The following SKIC3 variants were observed in gnomAD, a reference collection of about 807,000 sequenced individuals.
SKIC3 encodes the protein SKI3 subunit of superkiller complex, also known as superkiller complex protein 3.
At chr5:95,513,709 T>C in the SKIC3 span, 7 of 1,495,952 alleles carry the variant, frequency 4.7e-6, no homozygotes, top group African/African-American at 1.4e-5. Context: ...TAATACAAAA[T>C]GAAACTGTCT....
At chr5:95,510,884 A>G in the SKIC3 span, among the ~76,000 whole-genome samples, 3 of 152,202 alleles carry the variant, frequency 2.0e-5, no homozygotes, top group East Asian at 1.9e-4. Context: ...GTGATTACCT[A>G]TCTATGAAGG....
At chr5:95,512,359 G>T in the SKIC3 span, 1 of 1,229,234 alleles carries the variant, frequency 8.1e-7, no homozygotes, top group Non-Finnish European at 1.1e-6. Flanking sequence ...CAAAAAGAAG[G>T]CAAATTCATG....
chr5:95,526,054 T>TA, the SKIC3 span, among the ~76,000 whole-genome samples: 1 of 152,184 alleles, frequency 6.6e-6, no homozygotes, highest in Non-Finnish European at 1.5e-5. Context: ...TATCTATATC[T>TA]AAAAGTTCAT....
the SKIC3 span, among the ~76,000 whole-genome samples, chr5:95,506,176 G>A: frequency 6.6e-6 from 1 of 151,948 alleles, no homozygotes; most frequent in Non-Finnish European, 1.5e-5. Context: ...TGAAAGGAGA[G>A]GCAGTCAGAA....
chr5:95,510,441 T>C, the SKIC3 span, among the ~76,000 whole-genome samples: 2 of 152,230 alleles, frequency 1.3e-5, no homozygotes, highest in African/African-American at 2.4e-5. Context: ...AGATTAATTA[T>C]GGTTTAGGAG....
chr5:95,529,366 C>T, the SKIC3 span: 1 of 500,930 alleles, frequency 2.0e-6, no homozygotes, highest in African/African-American at 1.9e-5. Context: ...TACACTGTAG[C>T]TAGAATATCT....
chr5:95,484,636 C>T, the SKIC3 span: 15 of 1,576,524 alleles, frequency 9.5e-6, no homozygotes, highest in South Asian at 4.5e-5. Context: ...AGTGAGCCAC[C>T]GCATCTAGCC....
the SKIC3 span, chr5:95,498,412 C>A: frequency 3.7e-5 from 59 of 1,614,046 alleles, 1 homozygote; most frequent in Non-Finnish European, 4.5e-5. Flanking sequence ...AGCCACACTG[C>A]GGCCTTGGAG....
chr5:95,509,894 T>C, the SKIC3 span, among the ~76,000 whole-genome samples: 1 of 152,214 alleles, frequency 6.6e-6, no homozygotes, highest in African/African-American at 2.4e-5. Flanking sequence ...ATAGTTATAT[T>C]TGATTTTTAG....
chr5:95,513,394 A>G, the SKIC3 span: 2 of 643,464 alleles, frequency 3.1e-6, no homozygotes, highest in African/African-American at 3.7e-5. Context: ...TTTTTAAGAG[A>G]CAGGGTCTTG....
chr5:95,488,408 CAA>C, the SKIC3 span, among the ~76,000 whole-genome samples: 1 of 151,850 alleles, frequency 6.6e-6, no homozygotes, highest in African/African-American at 2.4e-5. Context: ...AAGTCAAAGA[CAA>C]AGAGAGAATA....
the SKIC3 span, among the ~76,000 whole-genome samples, chr5:95,482,083 A>G: frequency 1.3e-5 from 2 of 152,216 alleles, no homozygotes; most frequent in African/African-American, 2.4e-5. Context: ...TATTTCTAAA[A>G]GCACTAAATA....
the SKIC3 span, chr5:95,517,270 C>T: frequency 6.2e-7 from 1 of 1,613,336 alleles, no homozygotes; most frequent in Non-Finnish European, 8.5e-7. Flanking sequence ...CAGGTACAAG[C>T]ATCCCCAGCT....
chr5:95,505,561 T>C, the SKIC3 span, among the ~76,000 whole-genome samples: 8 of 152,040 alleles, frequency 5.3e-5, no homozygotes, highest in Non-Finnish European at 7.4e-5. Flanking sequence ...CGCCTGTAAT[T>C]CCAGCACCTT....
the SKIC3 span, chr5:95,543,204 C>A: frequency 6.2e-7 from 1 of 1,613,904 alleles, no homozygotes; most frequent in Non-Finnish European, 8.5e-7. Flanking sequence ...AGTAATTGGT[C>A]TGGCTCTAAT....
At chr5:95,537,066 G>A in the SKIC3 span, 4 of 1,613,498 alleles carry the variant, frequency 2.5e-6, no homozygotes, top group Non-Finnish European at 3.4e-6. Context: ...TGAATGAAAT[G>A]CCTATAAAGT....
the SKIC3 span, among the ~76,000 whole-genome samples, chr5:95,470,938 T>C: frequency 5.3e-5 from 8 of 152,170 alleles, no homozygotes; most frequent in Non-Finnish European, 7.4e-5. Context: ...TTGACGAAGA[T>C]TTCATAACCA....
the SKIC3 span, among the ~76,000 whole-genome samples, chr5:95,520,363 C>A: frequency 6.6e-6 from 1 of 151,346 alleles, no homozygotes; most frequent in South Asian, 2.1e-4. Flanking sequence ...GCACCTGAAG[C>A]CCTATTTCCC....
chr5:95,478,184 A>G, the SKIC3 span: 4 of 1,350,728 alleles, frequency 3.0e-6, no homozygotes, highest in Non-Finnish European at 4.1e-6. Context: ...CTAGAACACA[A>G]TGAAACAACA....
Sources: gnomAD v4.1 joint callset for allele counts (sites outside exome capture counted in the v4.1 genomes callset) on GRCh38, gnomAD v4.1.1 for gene constraint, MANE v1.5 for transcripts, NCBI Gene and HGNC (gene_info 2026-07-23, HGNC 2026-07-21) for gene names.